DAG1: variants seen among roughly 807,000 people sequenced by gnomAD.
DAG1 encodes the protein dystroglycan 1.
A neutral mutation model predicts 46.1 loss-of-function variants in DAG1; 8 were observed. The ratio of observed to expected loss-of-function variants is 0.17; its 90% CI spans 0.10 to 0.31. DAG1 has a LOEUF of 0.31. DAG1 is among the 10% of genes least tolerant of loss of function. The probability of loss-of-function intolerance (pLI) is 1.00; values close to 1 mark genes in which losing one functional copy is unlikely to be tolerated. For synonymous variants in DAG1, 495 were observed against 481.8 expected, an observed-to-expected ratio of 1.03 and a Z score of -0.36; for missense variants, 1,003 against 1,189.9, an observed-to-expected ratio of 0.84 and a Z score of 2.31.
upstream of DAG1, chr3:49,469,059 T>C (rs546656076): frequency 4.6e-5 from 7 of 152,156 alleles, no homozygotes; most frequent in Admixed American, 1.3e-4. Flanking sequence ...CAAAAAGGTA[T>C]GTTTTTGGGA....
chr3:49,496,695 C>T (rs1411633394), intron 1 of DAG1, among the ~76,000 whole-genome samples: 5 of 150,242 alleles, frequency 3.3e-5, no homozygotes, highest in African/African-American at 9.8e-5. Flanking sequence ...GGCACAATCT[C>T]GGCTCACTGC....
At position 49,533,065 on chromosome 3, in the gene DAG1, C is replaced by T. The variant is rs372560118; in HGVS notation, c.2554C>T (p.Pro852Ser). Residue 852 changes from proline to serine, a missense_variant, in exon 3 of 3, where the codon CCC becomes TCC. By Grantham distance (74) the Pro-to-Ser change is moderately conservative. Coordinates refer to ENST00000308775, the MANE Select transcript of DAG1 (RefSeq NM_004393.6). ...LNQDTMGEYT[P>S]LRDEDPNAPP... The stretch of plus-strand genomic sequence containing the variant: ...CCAGGACACCATGGGAGAGTACACG[C>T]CCCTGCGGGATGAGGATCCCAATGC... The T allele has an allele frequency of 1.9e-6, 3 of 1,614,194 alleles. No individual in the cohort carries two copies. Among genetic ancestry groups the T allele is most frequent in the Non-Finnish European group, 2.5e-6 (3 of 1,180,026 alleles).
At chr3:49,474,960 C>T (rs1225530071) in intron 1 of DAG1, among the ~76,000 whole-genome samples, 20 of 151,614 alleles carry the variant, frequency 1.3e-4, no homozygotes, top group Non-Finnish European at 1.0e-4. Flanking sequence ...TACAGGCGCC[C>T]GCCACCGCGC....
chr3:49,502,637 T>A (rs770078476), intron 1 of DAG1, among the ~76,000 whole-genome samples: 6 of 129,062 alleles, frequency 4.6e-5, no homozygotes, highest in South Asian at 2.9e-4. Context: ...TCTTTAACTT[T>A]CTTTTTTTTT....
upstream of DAG1, chr3:49,469,997 C>T (rs757007086): frequency 6.6e-6 from 1 of 152,320 alleles, no homozygotes; most frequent in Non-Finnish European, 1.5e-5. Flanking sequence ...GGACGGACTT[C>T]CCTGGCCGTG....
intron 2 of DAG1, among the ~76,000 whole-genome samples, chr3:49,514,387 A>G (rs1024526329): frequency 5.9e-5 from 9 of 152,240 alleles, no homozygotes; most frequent in African/African-American, 1.2e-4. Context: ...ACCGTTTTCT[A>G]TGCTCATCAA....
intron 2 of DAG1, among the ~76,000 whole-genome samples, chr3:49,526,911 A>T (rs142397622): frequency 6.6e-6 from 1 of 152,262 alleles, no homozygotes; most frequent in South Asian, 2.1e-4. Flanking sequence ...GTTACTTGGC[A>T]TAGTTAAAAT....
chr3:49,479,117 A>G (rs2049787876), intron 1 of DAG1, among the ~76,000 whole-genome samples: 1 of 151,046 alleles, frequency 6.6e-6, no homozygotes, highest in Non-Finnish European at 1.5e-5. Context: ...TTTTCTGTAA[A>G]TAGGGAATAC....
chr3:49,477,701 C>G (rs578165292), intron 1 of DAG1, among the ~76,000 whole-genome samples: 1 of 152,182 alleles, frequency 6.6e-6, no homozygotes, highest in Admixed American at 6.6e-5. Flanking sequence ...GTGGCTCACA[C>G]CTATAATCCC....
intron 1 of DAG1, among the ~76,000 whole-genome samples, chr3:49,487,997 C>T (rs374067002): frequency 1.2e-4 from 19 of 152,116 alleles, no homozygotes; most frequent in African/African-American, 3.6e-4. Flanking sequence ...CCACCACGCC[C>T]GGCCAGCCCC....
intron 1 of DAG1, among the ~76,000 whole-genome samples, chr3:49,509,911 T>C (rs1400358061): frequency 3.3e-5 from 5 of 152,042 alleles, no homozygotes; most frequent in African/African-American, 7.2e-5. Context: ...ATATTTTTAG[T>C]AGAGATGGGA....
chr3:49,488,607 A>AT (rs752475295), intron 1 of DAG1: 262 of 148,996 alleles, frequency 1.8e-3, no homozygotes, highest in Middle Eastern at 0.011. Flanking sequence ...ACGGTTATTT[A>AT]TTTATTTTTT....
chr3:49,532,358 C>T lies in DAG1; in HGVS notation c.1847C>T (p.Pro616Leu), dbSNP rs200334256. 15 of 1,614,122 alleles carry T rather than the reference C, an allele frequency of 9.3e-6. No individual in the cohort carries two copies. Among genetic ancestry groups the T allele is most frequent in the East Asian group, 4.5e-5 (2 of 44,880 alleles). Reference protein sequence around the residue: ...ARFKAKFVGDPALVLNDIHKK... With the variant: ...ARFKAKFVGDLALVLNDIHKK... ...TTCAAGGCCAAGTTTGTGGGTGACC[C>T]GGCACTGGTGTTGAATGACATCCAC... The change falls in exon 3 of 3, where the codon CCG (proline) becomes CTG (leucine). Residue 616 changes from proline to leucine, a missense_variant. Transcript: ENST00000308775. The surrounding 1 kb of genome is among the most constrained non-coding windows in gnomAD (Gnocchi z 5.4).
chr3:49,474,642 C>T (rs896765582), intron 1 of DAG1, among the ~76,000 whole-genome samples: 8 of 152,044 alleles, frequency 5.3e-5, no homozygotes, highest in East Asian at 3.9e-4. Flanking sequence ...CACTGCGCAC[C>T]GCCCTGATTT....
chr3:49,531,998 G>T lies in DAG1; in HGVS notation c.1487G>T (p.Arg496Leu), dbSNP rs199519832. 156 of 1,614,018 alleles carry T rather than the reference G, an allele frequency of 9.7e-5. No homozygotes were observed. Among genetic ancestry groups the T allele is most frequent in the Non-Finnish European group, 1.3e-4 (148 of 1,180,044 alleles). The change falls in exon 3 of 3, where the codon CGC becomes CTC. Residue 496 changes from arginine to leucine, a missense_variant. Around this residue, in one of 3 missense-constraint regions of DAG1, gnomAD observed 755 missense variants for 854.1 expected, o/e 0.88. Transcript: ENST00000308775. This position sits in a 1 kb window ranked among gnomAD's most constrained non-coding sequence, Gnocchi z 7.0. ...GVPRGGEPNQ[R>L]PELKNHIDRV... ...CCCCGTGGCGGAGAACCCAACCAGC[G>T]CCCAGAGCTCAAGAACCATATTGAC...
chr3:49,519,661 G>A (rs927925184), intron 2 of DAG1, among the ~76,000 whole-genome samples: 1 of 152,104 alleles, frequency 6.6e-6, no homozygotes, highest in African/African-American at 2.4e-5. Flanking sequence ...GGCATCCTTG[G>A]GGGTGGGCTG....
chr3:49,505,982 T>C (rs1193428058), intron 1 of DAG1, among the ~76,000 whole-genome samples: 2 of 102,094 alleles, frequency 2.0e-5, no homozygotes, highest in Non-Finnish European at 4.5e-5. Flanking sequence ...TTTTTTTTTC[T>C]TTTTTTTTTT....
At chr3:49,497,976 C>T (rs557909335) in intron 1 of DAG1, among the ~76,000 whole-genome samples, 5 of 152,264 alleles carry the variant, frequency 3.3e-5, no homozygotes, top group Admixed American at 2.0e-4. Flanking sequence ...AGCCACTGCC[C>T]TTTGTTTATC....
At chr3:49,527,368 C>CA (rs1189357935) in intron 2 of DAG1, among the ~76,000 whole-genome samples, 1 of 151,954 alleles carries the variant, frequency 6.6e-6, no homozygotes, top group Non-Finnish European at 1.5e-5. Context: ...ACTAAAAATA[C>CA]AAAAAATTAG....
Sources: gnomAD v4.1 joint callset for allele counts (sites outside exome capture counted in the v4.1 genomes callset) on GRCh38, gnomAD v4.1.1 for gene constraint, gnomAD v4.1.1 regional missense constraint, Gnocchi (gnomAD v3.1) non-coding constraint, MANE v1.5 for transcripts, NCBI Gene and HGNC (gene_info 2026-07-23, HGNC 2026-07-21) for gene names.